ZNF713: variants seen among roughly 807,000 people sequenced by gnomAD.
The protein encoded by ZNF713 is zinc finger protein 713.
In ZNF713, 21 loss-of-function variants were observed where a neutral mutation model predicts 28.7. That is an observed-to-expected ratio of 0.73 (90% confidence interval 0.52 to 1.05). ZNF713 has a LOEUF of 1.05. Ranked by LOEUF, ZNF713 falls within the 50% of genes least tolerant of loss-of-function variation. The pLI is 0.00. For synonymous variants in ZNF713, 167 were observed against 178.0 expected, an observed-to-expected ratio of 0.94 and a Z score of 0.49; for missense variants, 458 against 532.4, an observed-to-expected ratio of 0.86 and a Z score of 1.37.
At chr7:55,933,060 AC>A (rs1434912716) in intron 6 of ZNF713, among the ~76,000 whole-genome samples, 2 of 150,172 alleles carry the variant, frequency 1.3e-5, no homozygotes, top group East Asian at 4.0e-4. Flanking sequence ...ACATGGTGAA[AC>A]CCCATCTCTA....
At chr7:55,926,591 G>A (rs1786101177) in intron 6 of ZNF713, among the ~76,000 whole-genome samples, 1 of 152,032 alleles carries the variant, frequency 6.6e-6, no homozygotes, top group Non-Finnish European at 1.5e-5. Flanking sequence ...CGCCCACTAG[G>A]GTACTGCATG....
intron 1 of ZNF713, among the ~76,000 whole-genome samples, chr7:55,892,180 A>C (rs986957534): frequency 7.5e-5 from 11 of 145,704 alleles, no homozygotes; most frequent in African/African-American, 2.8e-4. Flanking sequence ...CAGGAGGCTG[A>C]GGCTGGAGAA....
intron 1 of ZNF713, among the ~76,000 whole-genome samples, chr7:55,903,475 G>C (rs953607205): frequency 1.3e-5 from 2 of 151,938 alleles, no homozygotes; most frequent in African/African-American, 4.8e-5. Flanking sequence ...TTCAAGACCA[G>C]ACTGACCAAT....
chr7:55,912,861 C>A, intron 4 of ZNF713, 138 bp downstream of exon 4: 2 of 657,244 alleles, frequency 3.0e-6, no homozygotes, highest in South Asian at 2.0e-5. Context: ...ATACTCTCCA[C>A]AGCATGTTTT....
intron 6 of ZNF713, among the ~76,000 whole-genome samples, chr7:55,931,766 G>A (rs73132888): frequency 0.14 from 21,745 of 152,172 alleles, 1,736 homozygotes; most frequent in Non-Finnish European, 0.18. Flanking sequence ...GCCCTGGTGC[G>A]GAGGCCCTGC....
intron 4 of ZNF713, among the ~76,000 whole-genome samples, chr7:55,919,497 T>TTTTTTTTTTTG (rs1785947707): frequency 2.2e-5 from 1 of 44,964 alleles, no homozygotes; most frequent in South Asian, 1.1e-3. Flanking sequence ...CCAGTTTTTT[T>TTTTTTTTTTTG]TTTTTTTTTT....
At chr7:55,890,452 A>C (rs75829957) in intron 1 of ZNF713, among the ~76,000 whole-genome samples, 11 of 10,276 alleles carry the variant, frequency 1.1e-3, no homozygotes, top group Admixed American at 8.1e-3. Context: ...TCTGTCTCCA[A>C]AAAAAAAAAA....
chr7:55,901,726 C>T (rs1030196734), intron 1 of ZNF713, among the ~76,000 whole-genome samples: 2 of 152,210 alleles, frequency 1.3e-5, no homozygotes, highest in Admixed American at 6.5e-5. Flanking sequence ...TTACCTCTTA[C>T]ATTTGGCTGT....
chr7:55,932,077 G>A (rs1341643555), intron 6 of ZNF713, among the ~76,000 whole-genome samples: 4 of 152,106 alleles, frequency 2.6e-5, no homozygotes, highest in African/African-American at 7.2e-5. Context: ...TAATACATCG[G>A]TTTAAAATTA....
At chr7:55,907,929 A>T (rs772754273) in intron 2 of ZNF713, among the ~76,000 whole-genome samples, 3 of 152,120 alleles carry the variant, frequency 2.0e-5, no homozygotes, top group Non-Finnish European at 4.4e-5. Context: ...ATACAAGTGC[A>T]GGTGTCTTTT....
At chr7:55,932,389 G>A (rs1000183518) in intron 6 of ZNF713, among the ~76,000 whole-genome samples, 6 of 151,118 alleles carry the variant, frequency 4.0e-5, no homozygotes, top group East Asian at 2.0e-4. Context: ...GCAGGGTATC[G>A]TGGCACGTGC....
chr7:55,936,336 AG>A (rs1786345716), intron 6 of ZNF713, among the ~76,000 whole-genome samples: 1 of 151,220 alleles, frequency 6.6e-6, no homozygotes, highest in Non-Finnish European at 1.5e-5. Flanking sequence ...CCATGTTGTG[AG>A]GTCCTAACCC....
intron 6 of ZNF713, among the ~76,000 whole-genome samples, chr7:55,933,637 G>A (rs1786287856): frequency 6.6e-6 from 1 of 152,020 alleles, no homozygotes; most frequent in Admixed American, 6.6e-5. Context: ...TTATTTGAAT[G>A]TACTGTATTA....
At chr7:55,935,368 CTA>C (rs148739700) in intron 6 of ZNF713, among the ~76,000 whole-genome samples, 2 of 150,432 alleles carry the variant, frequency 1.3e-5, no homozygotes, top group East Asian at 2.0e-4. Flanking sequence ...TGAAGTAGAC[CTA>C]TATATATATA....
In ZNF713 at chr7:55,914,216, G is replaced by A. The variant is rs1785838710; in HGVS notation, c.87+1493G>A. Among the ~76,000 whole-genome samples, 2 of 151,838 alleles carry A rather than the reference G, an allele frequency of 1.3e-5. 1 individual carries two copies. The highest frequency in any genetic ancestry group is 4.2e-4 in the South Asian group (2 of 4,804). On this transcript the variant is annotated intron_variant, in intron 4 of 6. Coordinates refer to ENST00000429591, the MANE Select transcript of ZNF713 (RefSeq NM_182633.3). The stretch of plus-strand genomic sequence containing the variant: ...TAAAATATTTAAGATCTCTTTTATG[G>A]ATCGCTAGTTTAGCCATCTTTTTTG...
chr7:55,892,195 G>A (rs1407166294), intron 1 of ZNF713, among the ~76,000 whole-genome samples: 3 of 149,350 alleles, frequency 2.0e-5, no homozygotes, highest in Non-Finnish European at 3.0e-5. Context: ...GGAGAATGGC[G>A]TGAACCCGGG....
rs981577831 is a variant in ZNF713, at chr7:55,941,298, A to G, written c.*1292A>G. On this transcript the variant is annotated 3_prime_UTR_variant, in exon 7 of 7. Coordinates refer to ENST00000429591, the MANE Select transcript of ZNF713 (RefSeq NM_182633.3). ...TGGTAAAACCCCATCTCTACTAAAA[A>G]TACAAAAATTAGCTGGGTATGGTGG... The G allele has an allele frequency of 2.6e-5, 4 of 151,760 alleles. No homozygotes were observed. The highest frequency in any genetic ancestry group is 9.7e-5 in the African/African-American group (4 of 41,370). 9.4% of individuals were successfully genotyped at this position (151,760 alleles called of 1,614,324 possible). A position where few individuals can be genotyped will look rare whatever the true frequency, so the allele number is the denominator to read the frequency against.
chr7:55,897,032 A>G (rs1194927814), intron 1 of ZNF713, among the ~76,000 whole-genome samples: 2 of 152,206 alleles, frequency 1.3e-5, no homozygotes, highest in African/African-American at 4.8e-5. Context: ...GAGTCTCTAT[A>G]GATATAAGCA....
intron 1 of ZNF713, among the ~76,000 whole-genome samples, chr7:55,888,214 C>T (rs899586852): frequency 2.0e-5 from 3 of 151,826 alleles, no homozygotes; most frequent in African/African-American, 7.3e-5. Flanking sequence ...TCTTTTTCTC[C>T]TTTTTATCTG....
Sources: allele counts gnomAD v4.1 joint callset (sites outside exome capture counted in the v4.1 genomes callset), GRCh38; gene constraint gnomAD v4.1.1; transcripts MANE v1.5; gene names NCBI Gene and HGNC (gene_info 2026-07-23, HGNC 2026-07-21).